STARD9: variants seen among roughly 807,000 people sequenced by gnomAD.
STARD9 encodes StAR related lipid transfer domain containing 9, also known as stAR-related lipid transfer protein 9.
A neutral mutation model predicts 399.8 loss-of-function variants in STARD9; 346 were observed. The observed-to-expected ratio is 0.87, with a 90% CI of 0.79 to 0.95. The LOEUF (loss-of-function observed/expected upper bound fraction) is 0.95, where lower values mean the gene tolerates loss of function less well. STARD9 is among the 40% of genes least tolerant of loss of function. The probability of loss-of-function intolerance (pLI) is 0.00; values close to 1 mark genes in which losing one functional copy is unlikely to be tolerated. For synonymous variants in STARD9, 2,203 were observed against 2,143.5 expected (o/e 1.03, Z -0.77); for missense variants, 5,832 against 5,667.5 (o/e 1.03, Z -0.93).
Position 42,665,780 on chromosome 15 carries a change from G to C in STARD9, c.1255-6G>C. 6.5e-7 allele frequency: 1 copy of C among 1,537,016 alleles called. No individual in the cohort carries two copies. Among genetic ancestry groups the C allele is most frequent in the South Asian group, 1.2e-5 (1 of 84,060 alleles). On this transcript the variant is annotated splice_region_variant and splice_polypyrimidine_tract_variant and intron_variant, in intron 14 of 32. Transcript: ENST00000290607. ...AATATCAAAGCACATCTCTATCTTT[G>C]TGCAGAGAAACTTCAGTTCATTGAG... is the stretch of plus-strand genomic sequence containing the variant.
intron 30 of STARD9, 51 bp downstream of exon 30, chr15:42,718,230 A>T: frequency 1.3e-6 from 2 of 1,494,740 alleles, no homozygotes; most frequent in South Asian, 2.4e-5. Context: ...TGGTGTGCCC[A>T]GTGGGGTCTT....
chr15:42,707,206 A>G (rs1270549444), intron 26 of STARD9, among the ~76,000 whole-genome samples: 1 of 152,236 alleles, frequency 6.6e-6, no homozygotes, highest in Non-Finnish European at 1.5e-5. Flanking sequence ...AGATGATGCC[A>G]GATTTTGGCA....
At chr15:42,633,646 C>CTTTTTTTT (rs1245567571) in intron 3 of STARD9, among the ~76,000 whole-genome samples, 2 of 138,780 alleles carry the variant, frequency 1.4e-5, no homozygotes, top group African/African-American at 2.6e-5. Flanking sequence ...TTCTTTCTTT[C>CTTTTTTTT]TTTTTTTTTT....
chr15:42,688,350 G>A lies in STARD9; in HGVS notation c.6772G>A (p.Ala2258Thr). Residue 2258 changes from alanine to threonine, a missense_variant, in exon 23 of 33, where the codon GCT becomes ACT. By Grantham distance (58) the Ala-to-Thr change is moderately conservative. Coordinates refer to ENST00000290607, the MANE Select transcript of STARD9 (RefSeq NM_020759.3). ...GAAAGGTTTTCAGGAAAGCCAAGTA[G>A]CTGAACACGTAAGTAGTTCCAACCA... is the stretch of plus-strand genomic sequence containing the variant. Reference protein sequence around the residue: ...TVKGFQESQVAEHVSSSNQEE... With the variant: ...TVKGFQESQVTEHVSSSNQEE... The A allele has an allele frequency of 6.5e-7, 1 of 1,536,864 alleles. No homozygotes were observed. The highest frequency in any genetic ancestry group is 2.4e-5 in the East Asian group (1 of 40,924).
At chr15:42,716,788 A>G (rs895418363) in intron 27 of STARD9, 24 bp downstream of exon 27, 24 of 1,530,410 alleles carry the variant, frequency 1.6e-5, no homozygotes, top group South Asian at 3.6e-5. Flanking sequence ...AGTGTTGGGC[A>G]TAGCCAGCTG....
chr15:42,577,866 C>T (rs1157561839), intron 1 of STARD9, among the ~76,000 whole-genome samples: 1 of 152,190 alleles, frequency 6.6e-6, no homozygotes, highest in Non-Finnish European at 1.5e-5. Context: ...AAGTCATTGG[C>T]ACACACTCAG....
chr15:42,718,479 C>T lies in STARD9; in HGVS notation c.13807C>T (p.Arg4603Trp), dbSNP rs867337087. Residue 4603 changes from arginine (R) to tryptophan (W), a missense_variant, in exon 31 of 33, where the codon CGG becomes TGG. This residue lies in a region of STARD9 where 5,828 missense variants were observed against 5,651.1 expected (regional missense o/e 1.03). Transcript: ENST00000290607. ...NTTLCALKQP[R>W]DFCCVCVEAK... is the part of the protein sequence containing the mutation. ...CACCCTGTGCGCACTGAAGCAGCCACGGGATTTCTGTTGTGTCTGCGTGGA... is the reference window on the plus strand; with the variant it reads ...CACCCTGTGCGCACTGAAGCAGCCATGGGATTTCTGTTGTGTCTGCGTGGA... The T allele has an allele frequency of 9.1e-6, 14 of 1,537,098 alleles. No individual in the cohort carries two copies. In the African/African-American group the frequency reaches 1.2e-4, roughly 14 times the overall value.
chr15:42,707,259 A>G (rs2061108680), intron 26 of STARD9, among the ~76,000 whole-genome samples: 1 of 152,210 alleles, frequency 6.6e-6, no homozygotes, highest in Non-Finnish European at 1.5e-5. Flanking sequence ...CCTATGACTC[A>G]GCAATGTTTG....
chr15:42,629,039 A>G lies in STARD9; in HGVS notation c.235-5817A>G, dbSNP rs897910462. 3.9e-5 allele frequency among the ~76,000 whole-genome samples: 6 copies of G among 152,014 alleles called. 1 individual carries two copies. The highest frequency in any genetic ancestry group is 3.9e-4 in the Admixed American group (6 of 15,232). ...CAGTTAAATTTCTTTTTTTTCCCCA[A>G]GACAGTCTCTTGCTCTGTTTTCCAG... On this transcript the variant is annotated intron_variant, in intron 3 of 32. Coordinates refer to ENST00000290607, the MANE Select transcript of STARD9 (RefSeq NM_020759.3).
At chr15:42,716,894 T>C (rs1329123995) in intron 27 of STARD9, 33 bp from the exon 28 acceptor site, 3 of 1,536,572 alleles carry the variant, frequency 2.0e-6, no homozygotes, top group Admixed American at 3.9e-5. Flanking sequence ...TGATGTTCAG[T>C]GCTATCACAG....
rs761313967 is a variant in STARD9 at position 42,686,395 on chromosome 15, A to G, written c.4817A>G (p.Gln1606Arg). The G allele has an allele frequency of 5.2e-6, 8 of 1,537,568 alleles. No individual in the cohort carries two copies. The highest frequency in any genetic ancestry group is 2.0e-5 in the Admixed American group (1 of 50,992). Residue 1606 changes from glutamine to arginine, a missense_variant, in exon 23 of 33, where the codon CAG (glutamine) becomes CGG (arginine). Gln to Arg is a conservative substitution (Grantham distance 43). Around this residue, in one of 2 missense-constraint regions of STARD9, gnomAD observed 5,828 missense variants for 5,651.1 expected, o/e 1.03. Coordinates refer to ENST00000290607, the MANE Select transcript of STARD9 (RefSeq NM_020759.3). ...SLSASRSTNA[Q>R]VFATENAIPD... is the part of the protein sequence containing the mutation. Reference sequence around the variant, plus strand: ...TCTGCTTCTCGATCTACAAATGCACAGGTCTTTGCAACAGAGAACGCGATA... The same window carrying G: ...TCTGCTTCTCGATCTACAAATGCACGGGTCTTTGCAACAGAGAACGCGATA...
intron 26 of STARD9, among the ~76,000 whole-genome samples, chr15:42,700,601 T>C (rs1347894957): frequency 6.6e-6 from 1 of 152,170 alleles, no homozygotes; most frequent in Non-Finnish European, 1.5e-5. Context: ...TGAAATCAGG[T>C]TTTTGCCCAT....
chr15:42,698,075 C>G (rs1295913544), intron 26 of STARD9, among the ~76,000 whole-genome samples: 1 of 152,188 alleles, frequency 6.6e-6, no homozygotes, highest in Admixed American at 6.5e-5. Context: ...TTTGAATATG[C>G]AGAGAACTTT....
Position 42,687,725 on chromosome 15 carries a change from G to A in STARD9, c.6147G>A (p.Arg2049=), listed in dbSNP as rs2140250607. ...KRVNNTDEMA[R]LIRSVMQLEN... The stretch of plus-strand genomic sequence containing the variant: ...TTAATAATACTGATGAAATGGCTAG[G>A]CTAATTAGGAGTGTAATGCAGCTGG... Residue 2049 remains arginine (R), a synonymous_variant, in exon 23 of 33, where the codon AGG becomes AGA. Coordinates refer to ENST00000290607, the MANE Select transcript of STARD9 (RefSeq NM_020759.3). The A allele has an allele frequency of 1.3e-6, 2 of 1,537,512 alleles. No homozygotes were observed. The highest frequency in any genetic ancestry group is 4.9e-5 in the East Asian group (2 of 40,920).
At chr15:42,682,073 G>C in intron 21 of STARD9, 31 bp from the exon 22 acceptor site, 1 of 1,446,064 alleles carries the variant, frequency 6.9e-7, no homozygotes, top group Non-Finnish European at 9.3e-7. Flanking sequence ...AGGAGATGCT[G>C]AAATTCTCTC....
At chr15:42,643,658 C>A (rs944054209) in intron 7 of STARD9, among the ~76,000 whole-genome samples, 2 of 152,038 alleles carry the variant, frequency 1.3e-5, no homozygotes, top group African/African-American at 4.8e-5. Flanking sequence ...TGCACCACCA[C>A]GCCCAGCTAA....
At chr15:42,646,137 G>A (rs2059641063) in intron 7 of STARD9, among the ~76,000 whole-genome samples, 1 of 152,030 alleles carries the variant, frequency 6.6e-6, no homozygotes, top group Non-Finnish European at 1.5e-5. Context: ...CTCTGGCCTG[G>A]TGAACAAGAG....
At chr15:42,638,246 G>A in intron 6 of STARD9, 159 bp downstream of exon 6, 1 of 681,698 alleles carries the variant, frequency 1.5e-6, no homozygotes, top group East Asian at 2.7e-5. Flanking sequence ...AAGATACTTA[G>A]GCCCTTGGTT....
chr15:42,627,294 T>G (rs757526455), intron 3 of STARD9, among the ~76,000 whole-genome samples: 8 of 152,002 alleles, frequency 5.3e-5, no homozygotes, highest in Non-Finnish European at 1.0e-4. Flanking sequence ...AAACCTTGTT[T>G]CAGAAAAAGA....
Sources: gnomAD v4.1 joint callset for allele counts (sites outside exome capture counted in the v4.1 genomes callset) on GRCh38, gnomAD v4.1.1 for gene constraint, gnomAD v4.1.1 regional missense constraint, MANE v1.5 for transcripts, NCBI Gene and HGNC (gene_info 2026-07-23, HGNC 2026-07-21) for gene names.